The following HELLS variants were observed in gnomAD, a reference collection of about 807,000 sequenced individuals.
HELLS encodes helicase, lymphoid specific.
A neutral mutation model predicts 120.0 loss-of-function variants in HELLS; 32 were observed. The observed-to-expected ratio is 0.27, with a 90% CI of 0.20 to 0.36. The LOEUF (loss-of-function observed/expected upper bound fraction) is 0.36, where lower values mean the gene tolerates loss of function less well. HELLS is among the 10% of genes least tolerant of loss of function. HELLS has a pLI of 1.00. For missense variants in HELLS, 650 were observed against 993.4 expected (o/e 0.65, Z 4.65); for synonymous variants, 341 against 323.4 (o/e 1.05, Z -0.58).
At chr10:94,593,326 C>T (rs968942427) in intron 17 of HELLS, among the ~76,000 whole-genome samples, 173 bp from the exon 18 acceptor site, 1 of 152,142 alleles carries the variant, frequency 6.6e-6, no homozygotes, top group Non-Finnish European at 1.5e-5. Context: ...GGTGCTTGGA[C>T]GATAAAGCTA....
At chr10:94,564,426 C>T (rs1445532832) in intron 6 of HELLS, among the ~76,000 whole-genome samples, 1 of 152,144 alleles carries the variant, frequency 6.6e-6, no homozygotes, top group African/African-American at 2.4e-5. Flanking sequence ...TTTGTAACCC[C>T]TAACCTTGTC....
intron 10 of HELLS, among the ~76,000 whole-genome samples, chr10:94,577,879 G>C (rs1380180844): frequency 6.6e-6 from 1 of 152,044 alleles, no homozygotes; most frequent in South Asian, 2.1e-4. Flanking sequence ...GGCTAACAAG[G>C]TGAAACCCCG....
exon 10 of HELLS, chr10:94,612,143 GA>G (rs1846198982): frequency 6.6e-6 from 1 of 152,112 alleles, no homozygotes; most frequent in African/African-American, 2.4e-5. Flanking sequence ...AGTCATAATT[GA>G]AAAATGATTG....
At chr10:94,613,024 T>G (rs1207406311) in exon 10 of HELLS, 1 of 152,216 alleles carries the variant, frequency 6.6e-6, no homozygotes, top group African/African-American at 2.4e-5. Context: ...ACTACTATAT[T>G]TTGGAGATTT....
intron 9 of HELLS, 94 bp downstream of exon 9, chr10:94,574,830 T>A: frequency 1.1e-6 from 1 of 923,256 alleles, no homozygotes; most frequent in Non-Finnish European, 1.6e-6. Context: ...CTTATAATTA[T>A]ATTGGTTTCT....
chr10:94,613,493 C>T (rs192776159), exon 10 of HELLS: 3 of 152,206 alleles, frequency 2.0e-5, no homozygotes, highest in East Asian at 1.9e-4. Flanking sequence ...GATTTGCTTT[C>T]GATGTTTATT....
intron 12 of HELLS, among the ~76,000 whole-genome samples, chr10:94,586,981 T>C (rs1845195646): frequency 6.6e-6 from 1 of 152,134 alleles, no homozygotes; most frequent in Non-Finnish European, 1.5e-5. Flanking sequence ...AGGTGTGAGC[T>C]ACTGCGTCCG....
intron 10 of HELLS, among the ~76,000 whole-genome samples, chr10:94,578,200 C>G (rs542440954): frequency 1.3e-5 from 2 of 151,786 alleles, no homozygotes; most frequent in South Asian, 4.2e-4. Flanking sequence ...CGCCACTGCA[C>G]TCTAGCCTGT....
rs773165542 is a variant in HELLS, at chr10:94,588,293, G to A, written c.1391G>A (p.Arg464Gln). 7 of 1,611,448 alleles carry A rather than the reference G, an allele frequency of 4.3e-6. No individual in the cohort carries two copies. The highest frequency in any genetic ancestry group is 5.1e-6 in the Non-Finnish European group (6 of 1,177,814). Residue 464 changes from arginine to glutamine, a missense_variant, in exon 13 of 22, where the codon CGA becomes CAA. Around this residue, in one of 9 missense-constraint regions of HELLS, gnomAD observed 191 missense variants for 259.7 expected, o/e 0.74. Coordinates refer to ENST00000348459, the MANE Select transcript of HELLS (RefSeq NM_018063.5). ...GTTGCTCTTGAAGTTCCTCCTAAACGAGAAGTAGTCGTTTATGCTCCACTT... is the reference window on the plus strand; with the variant it reads ...GTTGCTCTTGAAGTTCCTCCTAAACAAGAAGTAGTCGTTTATGCTCCACTT... ...SDVALEVPPKREVVVYAPLSK... is the reference protein window; with the variant it reads ...SDVALEVPPKQEVVVYAPLSK...
At chr10:94,590,390 T>C in intron 13 of HELLS, 23 bp from the exon 14 acceptor site, 2 of 1,583,068 alleles carry the variant, frequency 1.3e-6, no homozygotes, top group Non-Finnish European at 1.7e-6. Flanking sequence ...AAACTGAATT[T>C]CTTTTAATTC....
At chr10:94,600,784 C>T (rs1428748346) in intron 21 of HELLS, among the ~76,000 whole-genome samples, 1 of 151,962 alleles carries the variant, frequency 6.6e-6, no homozygotes, top group East Asian at 1.9e-4. Flanking sequence ...CTTTATAATA[C>T]AGAAATCACA....
chr10:94,608,428 G>C (rs983627922), intron 9 of HELLS, among the ~76,000 whole-genome samples: 1 of 152,128 alleles, frequency 6.6e-6, no homozygotes, highest in Non-Finnish European at 1.5e-5. Flanking sequence ...CACCCTAAAA[G>C]AGTAGCATGT....
rs1333482632 is a variant in HELLS, at chr10:94,590,668, A to G, written c.1659A>G (p.Glu553=). ...TTGTGGAAGTGAATATCCCTGTAGAATCTGAAGTTAATCTGAAGCTGCAGA... is the reference window on the plus strand; with the variant it reads ...TTGTGGAAGTGAATATCCCTGTAGAGTCTGAAGTTAATCTGAAGCTGCAGA... The part of the protein sequence containing the change: ...RAVVEVNIPV[E]SEVNLKLQNI... The change falls in exon 15 of 22, where the codon GAA becomes GAG. Residue 553 remains glutamate (E), a synonymous_variant. Transcript: ENST00000348459. 5.0e-6 allele frequency: 8 copies of G among 1,610,780 alleles called. No individual in the cohort carries two copies. Among genetic ancestry groups the G allele is most frequent in the Non-Finnish European group, 5.9e-6 (7 of 1,178,926 alleles).
At chr10:94,579,142 G>A (rs898078746) in intron 10 of HELLS, among the ~76,000 whole-genome samples, 6 of 151,670 alleles carry the variant, frequency 4.0e-5, no homozygotes, top group Non-Finnish European at 5.9e-5. Flanking sequence ...TTTTTAAAGG[G>A]TAGTGTACAG....
intron 12 of HELLS, among the ~76,000 whole-genome samples, chr10:94,583,339 T>C (rs993382838): frequency 1.3e-5 from 2 of 152,190 alleles, no homozygotes; most frequent in Non-Finnish European, 2.9e-5. Flanking sequence ...ATGTGGTTTT[T>C]ATGGAATGCT....
intron 12 of HELLS, among the ~76,000 whole-genome samples, chr10:94,586,884 G>A (rs1564609204): frequency 3.3e-5 from 5 of 151,866 alleles, no homozygotes; most frequent in African/African-American, 1.2e-4. Context: ...TAGTAGAGAC[G>A]GGATTTCACC....
rs1024036332 is a variant in HELLS at position 94,590,783 on chromosome 10, A to G, written c.1767+7A>G. 4 of 1,428,430 alleles carry G rather than the reference A, an allele frequency of 2.8e-6. No individual in the cohort carries two copies. Among genetic ancestry groups the G allele is most frequent in the Admixed American group, 2.2e-5 (1 of 45,490 alleles). The allele number at this position is 1,428,430 out of a possible 1,614,324, so 88.5% of individuals were successfully genotyped here. On this transcript the variant is annotated splice_region_variant and intron_variant, in intron 15 of 21. Transcript: ENST00000348459. ...TGTTACACAAGAATTTAAGGTGAAT[A>G]CTGTTTAATTCTAATTTACTGTTTT...
intron 12 of HELLS, among the ~76,000 whole-genome samples, chr10:94,585,827 C>T (rs1223984220): frequency 1.3e-5 from 2 of 152,034 alleles, no homozygotes; most frequent in Non-Finnish European, 2.9e-5. Flanking sequence ...CCTGCCTCAG[C>T]CTTCTGAGTT....
rs138499717 is a variant in HELLS, at chr10:94,581,571, T to TA, written c.1229+50dup. 6,215 of 1,329,374 alleles carry TA rather than the reference T, an allele frequency of 4.7e-3. 191 individuals carry two copies. In the African/African-American group the frequency reaches 0.074, roughly 16 times the overall value. 82.3% of individuals were successfully genotyped at this position (1,329,374 alleles called of 1,614,324 possible). ...ATTTAACCTCAAAAATCTGTGCTGTTAGTTAAAATTACTTTCTTTTCAGTG... is the reference window on the plus strand; with the variant it reads ...ATTTAACCTCAAAAATCTGTGCTGTTAAGTTAAAATTACTTTCTTTTCAGTG... On this transcript the variant is annotated intron_variant, in intron 11 of 21. Transcript: ENST00000348459.
Sources: allele counts gnomAD v4.1 joint callset (sites outside exome capture counted in the v4.1 genomes callset), GRCh38; gene constraint gnomAD v4.1.1; regional missense constraint gnomAD v4.1.1; transcripts MANE v1.5; gene names NCBI Gene and HGNC (gene_info 2026-07-23, HGNC 2026-07-21).